Variants in TAF1 observed in about 807,000 individuals in gnomAD.
TAF1 encodes the protein transcription initiation factor TFIID subunit 1.
In TAF1, 2 loss-of-function variants were observed where a neutral mutation model predicts 138.5. The observed-to-expected ratio is 0.01, with a 90% confidence interval of 0.01 to 0.05. The LOEUF (loss-of-function observed/expected upper bound fraction) is 0.05, where lower values mean the gene tolerates loss of function less well. Ranked by LOEUF, TAF1 falls within the 10% of genes least tolerant of loss-of-function variation. TAF1 has a pLI of 1.00. For synonymous variants in TAF1, 437 were observed against 503.2 expected, an observed-to-expected ratio of 0.87 and a Z score of 1.76; for missense variants, 709 against 1,478.0, an observed-to-expected ratio of 0.48 and a Z score of 8.53.
At chrX:71,471,787 G>C (rs964820616) in intron 13 of TAF1, among the ~76,000 whole-genome samples, 1 of 111,595 alleles carries the variant, frequency 9.0e-6, no homozygotes, top group Non-Finnish European at 1.9e-5. Context: ...CCCCCTAGAC[G>C]TTTCCCATTG....
chrX:71,506,460 G>A (rs975317302), intron 13 of TAF1, among the ~76,000 whole-genome samples: 5 of 107,526 alleles, frequency 4.7e-5, no homozygotes, highest in South Asian at 4.0e-4. Context: ...CGACATGGGC[G>A]GATCATGAGG....
intron 25 of TAF1, among the ~76,000 whole-genome samples, chrX:71,404,531 T>G: frequency 9.0e-6 from 1 of 110,508 alleles, no homozygotes; most frequent in Non-Finnish European, 1.9e-5. Flanking sequence ...GAGACAGGGT[T>G]TCTCCATGTT....
intron 29 of TAF1, among the ~76,000 whole-genome samples, chrX:71,422,269 T>TACCTAAA (rs2036385433): frequency 3.6e-5 from 4 of 110,427 alleles, no homozygotes; most frequent in Admixed American, 9.8e-5. Context: ...AAGAATAGAA[T>TACCTAAA]GTAGAGTACC....
At chrX:71,439,385 A>G (rs1048991728) in intron 32 of TAF1, among the ~76,000 whole-genome samples, 3 of 111,793 alleles carry the variant, frequency 2.7e-5, no homozygotes, top group African/African-American at 9.8e-5. Flanking sequence ...CGCCTGGTGA[A>G]TGTCCCAGCC....
chrX:71,500,936 C>A (rs948738663), intron 13 of TAF1, among the ~76,000 whole-genome samples: 1 of 109,072 alleles, frequency 9.2e-6, no homozygotes, highest in Non-Finnish European at 1.9e-5. Flanking sequence ...TGGTGGCAGG[C>A]GCCTTAATCC....
At chrX:71,432,278 A>G (rs780892333) in intron 32 of TAF1, among the ~76,000 whole-genome samples, 5 of 111,957 alleles carry the variant, frequency 4.5e-5, no homozygotes, top group East Asian at 2.8e-4. Context: ...TGAAATGCCT[A>G]TGGAGGTGGG....
rs2038188843 is a variant in TAF1 at position 71,454,364 on chromosome X, C to G, written c.4821+127C>G. 3 of 554,280 alleles carry G rather than the reference C, an allele frequency of 5.4e-6. No homozygotes were observed. The Admixed American group carries it at 1.1e-4, about 21-fold the overall frequency. 45.7% of individuals were successfully genotyped at this position (554,280 alleles called of 1,213,427 possible). Reference sequence around the variant, plus strand: ...GGGACGTGTGGTCCCAGCTACTCGTCTGAGGTAGGAGAATCATTTGAGCCT... The same window carrying G: ...GGGACGTGTGGTCCCAGCTACTCGTGTGAGGTAGGAGAATCATTTGAGCCT... On this transcript the variant is annotated intron_variant, in intron 33 of 37. Transcript: ENST00000423759.
intron 14 of TAF1, among the ~76,000 whole-genome samples, chrX:71,386,141 A>G (rs1422774783): frequency 1.8e-5 from 2 of 108,193 alleles, no homozygotes; most frequent in Non-Finnish European, 3.8e-5. Flanking sequence ...AGCCTGGGCA[A>G]CAAGAGCGAA....
Position 71,518,371 on chromosome X carries a change from T to C in TAF1, c.1367-10171T>C, listed in dbSNP as rs188476935. 3.6e-5 allele frequency among the ~76,000 whole-genome samples: 4 copies of C among 110,443 alleles called. No individual in the cohort carries two copies. In the East Asian group the frequency reaches 8.7e-4, roughly 24 times the overall value. ...TTTTAGTAGAGACGGGGTTTCACCA[T>C]GTTGCCCAGGGTGGTTTCCAACTCC... On this transcript the variant is annotated intron_variant and NMD_transcript_variant, in intron 13 of 14. Coordinates refer to the TAF1 transcript ENST00000373775.
chrX:71,508,100 A>C (rs1435102121), intron 13 of TAF1, among the ~76,000 whole-genome samples: 6 of 103,838 alleles, frequency 5.8e-5, no homozygotes, highest in Non-Finnish European at 9.8e-5. Flanking sequence ...ATATATATAT[A>C]TATATATATA....
intron 13 of TAF1, among the ~76,000 whole-genome samples, chrX:71,524,278 C>T (rs1218895519): frequency 9.1e-6 from 1 of 110,022 alleles, no homozygotes; most frequent in African/African-American, 3.3e-5. Flanking sequence ...GCAATCTGCC[C>T]ATCTTGGCCT....
chrX:71,526,324 T>C (rs1161155323), intron 13 of TAF1, among the ~76,000 whole-genome samples: 2 of 112,081 alleles, frequency 1.8e-5, no homozygotes, highest in Non-Finnish European at 3.8e-5. Flanking sequence ...AAAAATACTA[T>C]CATAGAAATC....
intron 4 of TAF1, 31 bp from the exon 5 acceptor site, chrX:71,376,919 A>G: frequency 8.3e-7 from 1 of 1,206,489 alleles, no homozygotes; most frequent in Non-Finnish European, 1.1e-6. Context: ...TCACAGTTAC[A>G]TGCCAAAGGG....
intron 8 of TAF1, 121 bp downstream of exon 8, chrX:71,379,152 G>A (rs1489293538): frequency 2.8e-6 from 2 of 719,892 alleles, no homozygotes; most frequent in African/African-American, 2.9e-5. Flanking sequence ...TTTCGCTCTT[G>A]TTGCCCAGGA....
intron 21 of TAF1, 138 bp downstream of exon 21, chrX:71,393,614 T>C: frequency 1.6e-5 from 14 of 899,365 alleles, no homozygotes; most frequent in Non-Finnish European, 1.9e-5. Context: ...GGGTAGTATA[T>C]GTTTGTAATC....
Position 71,459,670 on chromosome X carries a change from A to T in TAF1, c.5183A>T (p.Asp1728Val). 8.3e-7 allele frequency: 1 copy of T among 1,211,461 alleles called. No homozygotes were observed. The highest frequency in any genetic ancestry group is 1.1e-6 in the Non-Finnish European group (1 of 895,373). ...TCTGAAGGAGAAGATGATGAGGAAG[A>T]TGCTGGGAGTGATGAAGAAGGAGAC... ...LMSEGEDDEE[D>V]AGSDEEGDNP... is the part of the protein sequence containing the mutation. The change falls in exon 36 of 38, where the codon GAT becomes GTT. Residue 1728 changes from aspartate to valine, a missense_variant. This residue lies in a region of TAF1 where 123 missense variants were observed against 174.7 expected (regional missense o/e 0.70). Coordinates refer to ENST00000423759, the MANE Select transcript of TAF1 (RefSeq NM_004606.5).
At chrX:71,517,802 TTAGAGA>T (rs2039851352) in intron 13 of TAF1, among the ~76,000 whole-genome samples, 1 of 111,673 alleles carries the variant, frequency 9.0e-6, no homozygotes, top group African/African-American at 3.3e-5. Flanking sequence ...GAATTTTTAT[TTAGAGA>T]TAAAGTATTG....
chrX:71,492,578 C>A, intron 13 of TAF1: 1 of 128,393 alleles, frequency 7.8e-6, no homozygotes, highest in East Asian at 2.4e-4. Flanking sequence ...GTCTACCTGC[C>A]GCGTGAGGCT....
intron 12 of TAF1, 143 bp downstream of exon 12, chrX:71,383,307 GTCTT>G: frequency 1.4e-6 from 1 of 730,549 alleles, no homozygotes; most frequent in East Asian, 3.8e-5. Context: ...TTAGGAGAAT[GTCTT>G]TATTGTTAGG....
Sources: allele counts gnomAD v4.1 joint callset (sites outside exome capture counted in the v4.1 genomes callset), GRCh38; gene constraint gnomAD v4.1.1; regional missense constraint gnomAD v4.1.1; transcripts MANE v1.5; gene names NCBI Gene and HGNC (gene_info 2026-07-23, HGNC 2026-07-21).